ANK3: variants seen among roughly 807,000 people sequenced by gnomAD.
The protein encoded by ANK3 is ankyrin 3, also known as ankyrin-3.
ANK3 carries 57 observed loss-of-function variants against 370.9 expected under a neutral mutation model. That is an observed-to-expected ratio of 0.15 (90% CI 0.12 to 0.19). The LOEUF is 0.19. ANK3 is among the 10% of genes least tolerant of loss of function. The pLI is 1.00. For synonymous variants in ANK3, 1,929 were observed against 1,946.3 expected, an observed-to-expected ratio of 0.99 and a Z score of 0.23; for missense variants, 4,439 against 5,302.1, an observed-to-expected ratio of 0.84 and a Z score of 5.06.
At chr10:60,218,325 T>A (rs1267651624) in intron 8 of ANK3, among the ~76,000 whole-genome samples, 1 of 152,194 alleles carries the variant, frequency 6.6e-6, no homozygotes, top group Non-Finnish European at 1.5e-5. Flanking sequence ...CCTGTCATCA[T>A]GCTGCTATTT....
chr10:60,054,302 G>T (rs2078695189), intron 42 of ANK3, among the ~76,000 whole-genome samples: 1 of 152,102 alleles, frequency 6.6e-6, no homozygotes, highest in African/African-American at 2.4e-5. Context: ...TATACTAAAA[G>T]TCAAGTCAAA....
intron 25 of ANK3, among the ~76,000 whole-genome samples, chr10:60,118,578 T>C (rs1017844614): frequency 6.6e-6 from 1 of 152,208 alleles, no homozygotes; most frequent in African/African-American, 2.4e-5. Flanking sequence ...CAACAACTTA[T>C]ACTGACTTTT....
intron 20 of ANK3, 75 bp from the exon 21 acceptor site, chr10:60,172,478 G>T: frequency 2.5e-6 from 3 of 1,193,626 alleles, no homozygotes; most frequent in Middle Eastern, 1.9e-4. Flanking sequence ...AAAATGTAAG[G>T]TGAGTGTCTC....
intron 8 of ANK3, among the ~76,000 whole-genome samples, chr10:60,215,436 G>A (rs1351324896): frequency 6.6e-6 from 1 of 152,076 alleles, no homozygotes; most frequent in African/African-American, 2.4e-5. Context: ...CTTTGCCCAT[G>A]CCTACGTGCT....
chr10:60,493,170 C>G (rs2075568480), intron 2 of ANK3, among the ~76,000 whole-genome samples: 1 of 151,664 alleles, frequency 6.6e-6, no homozygotes, highest in Admixed American at 6.6e-5. Flanking sequence ...CATTTACATG[C>G]TAAAGAGGTA....
At chr10:60,563,712 T>A (rs926075721) in intron 2 of ANK3, among the ~76,000 whole-genome samples, 1 of 152,108 alleles carries the variant, frequency 6.6e-6, no homozygotes, top group Non-Finnish European at 1.5e-5. Context: ...ATTTTGAAAT[T>A]ATGGAGAAGA....
At position 60,215,449 on chromosome 10, in the gene ANK3, A is replaced by C. The variant is rs527405179; in HGVS notation, c.898-1939T>G. On this transcript the variant is annotated intron_variant, in intron 8 of 43. Coordinates refer to ENST00000280772, the MANE Select transcript of ANK3 (RefSeq NM_020987.5). Reference sequence around the variant, plus strand: ...ATCTTTGCCCATGCCTACGTGCTGAATGCTATTGCCTAGGTTTTCTTCTAG... The same window carrying C: ...ATCTTTGCCCATGCCTACGTGCTGACTGCTATTGCCTAGGTTTTCTTCTAG... Among the ~76,000 whole-genome samples, 60 of 152,228 alleles carry C rather than the reference A, an allele frequency of 3.9e-4. 1 individual carries two copies. The highest frequency in any genetic ancestry group is 1.3e-3 in the African/African-American group (55 of 41,546).
chr10:60,381,321 T>C (rs1285069216), intron 1 of ANK3, among the ~76,000 whole-genome samples: 1 of 152,198 alleles, frequency 6.6e-6, no homozygotes, highest in Non-Finnish European at 1.5e-5. Context: ...GTTCTTAAGC[T>C]TTAATACCTG....
chr10:60,066,611 G>A (rs1208374328), intron 38 of ANK3, among the ~76,000 whole-genome samples: 2 of 151,810 alleles, frequency 1.3e-5, no homozygotes, highest in South Asian at 2.1e-4. Context: ...GGGGGTGGAC[G>A]GGGACTGAGG....
At chr10:60,710,279 A>G (rs7917241) in intron 1 of ANK3, among the ~76,000 whole-genome samples, 51,177 of 152,000 alleles carry the variant, frequency 0.34, 8,772 homozygotes, top group African/African-American at 0.4. Flanking sequence ...AGCAACAGGA[A>G]ATGACTACAA....
In ANK3 at chr10:60,515,193, A is replaced by AT. The variant is rs2076188990; in HGVS notation, c.96+99992dup. Among the ~76,000 whole-genome samples, 4 of 152,290 alleles carry AT rather than the reference A, an allele frequency of 2.6e-5. No individual in the cohort carries two copies. In the South Asian group the frequency reaches 6.2e-4, roughly 24 times the overall value. On this transcript the variant is annotated intron_variant, in intron 2 of 43. Coordinates refer to the ANK3 transcript ENST00000373827. ...TACAGATACTTCCAAAAGGCATCTG[A>AT]TATCATAGGCAAACAAGGGCAGAAA...
chr10:60,053,874 A>G, intron 42 of ANK3: 1 of 447,974 alleles, frequency 2.2e-6, no homozygotes, highest in Non-Finnish European at 3.4e-6. Flanking sequence ...CATGTCTCCT[A>G]GAAGCTTTAA....
chr10:60,565,365 A>T (rs1467513236), intron 2 of ANK3, among the ~76,000 whole-genome samples: 1 of 152,118 alleles, frequency 6.6e-6, no homozygotes, highest in Non-Finnish European at 1.5e-5. Context: ...ATCTGACAGG[A>T]GGTGAAGCTG....
intron 28 of ANK3, among the ~76,000 whole-genome samples, chr10:60,104,878 T>C (rs570269857): frequency 2.6e-5 from 4 of 152,318 alleles, no homozygotes; most frequent in South Asian, 2.1e-4. Context: ...ACAATAACCA[T>C]AGGAAGTTAG....
chr10:60,434,184 G>T (rs1191497988), intron 2 of ANK3, among the ~76,000 whole-genome samples: 1 of 152,130 alleles, frequency 6.6e-6, no homozygotes, highest in Non-Finnish European at 1.5e-5. Flanking sequence ...CTTGATTAAA[G>T]AAAATGGTTT....
rs1391900341 is a variant in ANK3 at position 60,436,580 on chromosome 10, G to A, written c.97-156941C>T. Among the ~76,000 whole-genome samples, 6 of 152,188 alleles carry A rather than the reference G, an allele frequency of 3.9e-5. No individual in the cohort carries two copies. The East Asian group carries it at 7.7e-4, about 20-fold the overall frequency. On this transcript the variant is annotated intron_variant, in intron 2 of 43. Transcript: ENST00000373827. Reference sequence around the variant, plus strand: ...AAAGATGTTGAGAATCTTTCATGTCGTTGTTGGCCATTTGTATATCCTCTC... The same window carrying A: ...AAAGATGTTGAGAATCTTTCATGTCATTGTTGGCCATTTGTATATCCTCTC...
chr10:60,641,759 AC>A lies in ANK3; in HGVS notation c.58-26536del, dbSNP rs779374461. On this transcript the variant is annotated intron_variant, in intron 1 of 43. Transcript: ENST00000373827. ...GTCTAAAACACCAAAAGCAATGGCA[AC>A]AAAAGCCAAAATTGACAAATGGGAT... 4.6e-3 allele frequency among the ~76,000 whole-genome samples: 698 copies of A among 152,302 alleles called. 4 individuals are homozygous for A. Among genetic ancestry groups the A allele is most frequent in the Non-Finnish European group, 5.6e-3 (382 of 68,018 alleles).
intron 2 of ANK3, among the ~76,000 whole-genome samples, chr10:60,498,581 C>T (rs1169626241): frequency 6.6e-6 from 1 of 152,096 alleles, no homozygotes; most frequent in Non-Finnish European, 1.5e-5. Flanking sequence ...CGTAGCGACA[C>T]AGTCTCACTC....
At chr10:60,654,925 A>G (rs2078842869) in intron 1 of ANK3, among the ~76,000 whole-genome samples, 1 of 152,188 alleles carries the variant, frequency 6.6e-6, no homozygotes, top group Non-Finnish European at 1.5e-5. Flanking sequence ...ATATATGATG[A>G]TGATTCCGTA....
Sources: allele counts gnomAD v4.1 joint callset (sites outside exome capture counted in the v4.1 genomes callset), GRCh38; gene constraint gnomAD v4.1.1; transcripts MANE v1.5; gene names NCBI Gene and HGNC (gene_info 2026-07-23, HGNC 2026-07-21).